Variants in AGBL3 observed in about 807,000 individuals in gnomAD.
AGBL3 encodes AGBL carboxypeptidase 3.
AGBL3 carries 68 observed loss-of-function variants against 94.5 expected under a neutral mutation model. The ratio of observed to expected loss-of-function variants is 0.72; its 90% confidence interval spans 0.59 to 0.88. The LOEUF (loss-of-function observed/expected upper bound fraction) is 0.88. AGBL3 is among the 40% of genes least tolerant of loss of function. The probability of loss-of-function intolerance (pLI) is 0.00; values close to 1 mark genes in which losing one functional copy is unlikely to be tolerated. For synonymous variants in AGBL3, 354 were observed against 370.7 expected, an observed-to-expected ratio of 0.95 and a Z score of 0.52; for missense variants, 934 against 1,103.8, an observed-to-expected ratio of 0.85 and a Z score of 2.18.
intron 5 of AGBL3, among the ~76,000 whole-genome samples, chr7:135,028,390 T>C (rs1343591970): frequency 6.7e-6 from 1 of 148,488 alleles, no homozygotes; most frequent in Non-Finnish European, 1.5e-5. Flanking sequence ...CTAAATCCTT[T>C]GTTGTCATTT....
intron 3 of AGBL3, among the ~76,000 whole-genome samples, chr7:134,991,994 A>G (rs965817325): frequency 3.9e-5 from 6 of 152,180 alleles, no homozygotes; most frequent in African/African-American, 1.2e-4. Context: ...TTACTTTTCA[A>G]ATTCTTCAGA....
At chr7:135,125,006 C>A (rs879204122) in intron 16 of AGBL3, among the ~76,000 whole-genome samples, 1 of 151,968 alleles carries the variant, frequency 6.6e-6, no homozygotes, top group Non-Finnish European at 1.5e-5. Context: ...GAGGCAAGAG[C>A]AAACTAATCC....
At chr7:135,033,123 G>A in intron 6 of AGBL3, 141 bp downstream of exon 6, 2 of 904,658 alleles carry the variant, frequency 2.2e-6, no homozygotes, top group Non-Finnish European at 3.1e-6. Context: ...AAATTGTTGT[G>A]GAGGAGGGGA....
At chr7:135,081,688 A>G (rs1231427994) in intron 14 of AGBL3, 31 bp from the exon 15 acceptor site, 3 of 1,399,502 alleles carry the variant, frequency 2.1e-6, no homozygotes, top group Admixed American at 4.2e-5. Flanking sequence ...AGTTATTTTC[A>G]TGCTACTATG....
chr7:135,028,642 A>G (rs1584884167), intron 5 of AGBL3, among the ~76,000 whole-genome samples: 2 of 152,170 alleles, frequency 1.3e-5, no homozygotes, highest in Admixed American at 6.5e-5. Flanking sequence ...AATGAAATCA[A>G]CTTCTCCTAA....
At chr7:135,066,388 C>G (rs929072280) in intron 12 of AGBL3, among the ~76,000 whole-genome samples, 1 of 152,176 alleles carries the variant, frequency 6.6e-6, no homozygotes, top group African/African-American at 2.4e-5. Context: ...TGTTCAACAT[C>G]ACTAATCATC....
At chr7:135,033,711 T>C (rs950096073) in intron 6 of AGBL3, among the ~76,000 whole-genome samples, 1 of 152,204 alleles carries the variant, frequency 6.6e-6, no homozygotes, top group Non-Finnish European at 1.5e-5. Flanking sequence ...ATCATATTAA[T>C]TTATATGTGT....
At chr7:135,026,106 T>C (rs941535410) in intron 5 of AGBL3, among the ~76,000 whole-genome samples, 1 of 151,410 alleles carries the variant, frequency 6.6e-6, no homozygotes, top group Non-Finnish European at 1.5e-5. Context: ...ATATGTATTC[T>C]TCTCATTTGC....
chr7:134,987,685 T>G (rs982078943), intron 1 of AGBL3, among the ~76,000 whole-genome samples, 190 bp from the exon 2 acceptor site: 2 of 152,180 alleles, frequency 1.3e-5, no homozygotes, highest in African/African-American at 4.8e-5. Context: ...TTATTGTGGT[T>G]GTTGTCTCGT....
At chr7:135,054,498 C>A (rs909572991) in intron 11 of AGBL3, among the ~76,000 whole-genome samples, 2 of 152,004 alleles carry the variant, frequency 1.3e-5, no homozygotes, top group African/African-American at 4.8e-5. Flanking sequence ...TACAGTAGTA[C>A]CACTAGGACA....
At chr7:135,034,035 T>A (rs1185031027) in intron 6 of AGBL3, 114 bp from the exon 7 acceptor site, 26 of 968,138 alleles carry the variant, frequency 2.7e-5, no homozygotes, top group Non-Finnish European at 3.6e-5. Context: ...TTTCTGTGAA[T>A]GAGTAAAAAT....
rs570183369 is a variant in AGBL3 at position 135,069,432 on chromosome 7, G to A, written c.1909-6965G>A. On this transcript the variant is annotated intron_variant, in intron 12 of 16. Transcript: ENST00000436302. ...ATCAACAGAATATACATTCTTTTCAGCACCACACCACACCTATTCCAAAAT... is the reference window on the plus strand; with the variant it reads ...ATCAACAGAATATACATTCTTTTCAACACCACACCACACCTATTCCAAAAT... Among the ~76,000 whole-genome samples, 35 of 152,246 alleles carry A rather than the reference G, an allele frequency of 2.3e-4. 1 individual carries two copies. In the East Asian group the frequency reaches 6.6e-3, roughly 29 times the overall value.
chr7:135,129,209 C>T, intron 16 of AGBL3: 1 of 1,437,270 alleles, frequency 7.0e-7, no homozygotes, highest in South Asian at 1.1e-5. Flanking sequence ...ACGCATGCTG[C>T]CAGCTGCCTG....
At chr7:135,007,803 C>T (rs1440741385) in intron 4 of AGBL3, among the ~76,000 whole-genome samples, 6 of 151,862 alleles carry the variant, frequency 4.0e-5, no homozygotes, top group South Asian at 2.1e-4. Flanking sequence ...AATATGAGTT[C>T]GGCAAGGTTG....
chr7:135,107,012 T>A (rs1478048330), intron 15 of AGBL3, among the ~76,000 whole-genome samples: 1 of 152,230 alleles, frequency 6.6e-6, no homozygotes, highest in East Asian at 1.9e-4. Context: ...GACATGTTCA[T>A]AGTAGTCTCT....
intron 11 of AGBL3, among the ~76,000 whole-genome samples, chr7:135,050,573 T>G (rs10268367): frequency 6.6e-6 from 1 of 151,722 alleles, no homozygotes; most frequent in African/African-American, 2.4e-5. Context: ...TGGCTGCATA[T>G]ATATTTGTGA....
intron 15 of AGBL3, among the ~76,000 whole-genome samples, chr7:135,109,560 AAGGTACCAACAAT>A (rs1825304984): frequency 6.6e-6 from 1 of 151,826 alleles, no homozygotes; most frequent in South Asian, 2.1e-4. Flanking sequence ...TCAGCACCTG[AAGGTACCAACAAT>A]GAAGGTCGTG....
At chr7:134,987,154 C>T (rs1453058034) in intron 1 of AGBL3, among the ~76,000 whole-genome samples, 3 of 152,238 alleles carry the variant, frequency 2.0e-5, no homozygotes, top group East Asian at 3.8e-4. Context: ...TGCCATAGAG[C>T]TTGGACTTAA....
At position 135,102,586 on chromosome 7, in the gene AGBL3, T is replaced by G. The variant is rs1384782383; in HGVS notation, c.2111-12794T>G. ...TGAAGGCTTAAATTTTCACCAAGAG[T>G]ACTTTCAGTATGAGAGAACTTTGGT... On this transcript the variant is annotated intron_variant, in intron 15 of 16. Coordinates refer to ENST00000436302, the MANE Select transcript of AGBL3 (RefSeq NM_178563.4). 1.8e-4 allele frequency among the ~76,000 whole-genome samples: 26 copies of G among 141,250 alleles called. 1 individual carries two copies. Among genetic ancestry groups the G allele is most frequent in the Non-Finnish European group, 1.6e-5 (1 of 64,392 alleles). The allele number at this position is 141,250 out of a possible 152,430, so 92.7% of individuals were successfully genotyped here.
Sources: gnomAD v4.1 joint callset for allele counts (sites outside exome capture counted in the v4.1 genomes callset) on GRCh38, gnomAD v4.1.1 for gene constraint, MANE v1.5 for transcripts, NCBI Gene and HGNC (gene_info 2026-07-23, HGNC 2026-07-21) for gene names.